Variants in FAM168B observed in about 807,000 individuals in gnomAD.
The protein encoded by FAM168B is family with sequence similarity 168 member B.
FAM168B carries 19 observed loss-of-function variants against 21.8 expected under a neutral mutation model. The observed-to-expected ratio is 0.87, with a 90% CI of 0.61 to 1.28. FAM168B has a LOEUF of 1.28. Ranked by LOEUF, FAM168B falls within the 50% of genes most tolerant of loss-of-function variation. The pLI is 0.00. For synonymous variants in FAM168B, 126 were observed against 104.8 expected (o/e 1.20, Z -1.24); for missense variants, 233 against 263.1 (o/e 0.89, Z 0.79).
At chr2:131,060,482 G>C (rs555213810) in intron 3 of FAM168B, among the ~76,000 whole-genome samples, 3 of 152,348 alleles carry the variant, frequency 2.0e-5, no homozygotes, top group Admixed American at 2.0e-4. Flanking sequence ...CAGATTGAAA[G>C]AGATAAGAGA....
intron 1 of FAM168B, among the ~76,000 whole-genome samples, chr2:131,092,256 A>G (rs1694073092): frequency 6.6e-6 from 1 of 152,206 alleles, no homozygotes; most frequent in Non-Finnish European, 1.5e-5. Context: ...CTGCTTTGTA[A>G]AGACAAAGAG....
intron 3 of FAM168B, among the ~76,000 whole-genome samples, chr2:131,058,117 C>A (rs1235193153): frequency 7.0e-6 from 1 of 143,298 alleles, no homozygotes; most frequent in Admixed American, 6.7e-5. Flanking sequence ...CAGGTGTGAG[C>A]CTGTATATAT....
At position 131,050,532 on chromosome 2, in the gene FAM168B, T is replaced by C; in HGVS notation, c.*1933A>G. The C allele has an allele frequency of 1.0e-6, 1 of 985,814 alleles. No homozygotes were observed. Among genetic ancestry groups the C allele is most frequent in the East Asian group, 1.1e-4 (1 of 8,818 alleles). 61.1% of individuals were successfully genotyped at this position (985,814 alleles called of 1,614,324 possible). Reference sequence around the variant, plus strand: ...GACACTAAGATGGATTAAGTGCTCATGAAGCAATTTAAAGTACTTATCAGT... The same window carrying C: ...GACACTAAGATGGATTAAGTGCTCACGAAGCAATTTAAAGTACTTATCAGT... On this transcript the variant is annotated 3_prime_UTR_variant, in exon 7 of 7. Coordinates refer to ENST00000389915, the MANE Select transcript of FAM168B (RefSeq NM_001009993.4).
chr2:131,089,567 TA>T (rs971383287), intron 1 of FAM168B, among the ~76,000 whole-genome samples: 4 of 143,024 alleles, frequency 2.8e-5, no homozygotes, highest in Non-Finnish European at 4.6e-5. Flanking sequence ...CTGTCTCTAC[TA>T]AAAAAAAATA....
intron 3 of FAM168B, among the ~76,000 whole-genome samples, chr2:131,059,343 G>A (rs751572389): frequency 2.0e-5 from 3 of 152,188 alleles, no homozygotes; most frequent in African/African-American, 4.8e-5. Flanking sequence ...CTGTGGGGAT[G>A]AGGGACGTCA....
chr2:131,075,006 A>G (rs936706153), intron 2 of FAM168B, among the ~76,000 whole-genome samples: 2 of 152,126 alleles, frequency 1.3e-5, no homozygotes, highest in African/African-American at 4.8e-5. Context: ...ACCTCAGCAG[A>G]AGCCATTCCG....
intron 2 of FAM168B, among the ~76,000 whole-genome samples, chr2:131,075,534 G>T (rs927961120): frequency 6.7e-6 from 1 of 148,320 alleles, no homozygotes; most frequent in African/African-American, 2.5e-5. Flanking sequence ...TTGCTCTGTC[G>T]CCCAGGCTGG....
At chr2:131,064,970 G>A (rs991033655) in intron 3 of FAM168B, among the ~76,000 whole-genome samples, 2 of 152,144 alleles carry the variant, frequency 1.3e-5, no homozygotes, top group Non-Finnish European at 2.9e-5. Flanking sequence ...TTAATTCCAG[G>A]GACACCGCAG....
intron 1 of FAM168B, among the ~76,000 whole-genome samples, chr2:131,089,643 G>A (rs912497342): frequency 1.9e-4 from 28 of 151,096 alleles, no homozygotes; most frequent in African/African-American, 6.6e-4. Flanking sequence ...GTGTGAACCC[G>A]GAAGGCGGAG....
rs538011280 is a variant in FAM168B, at chr2:131,078,983, T to C, written c.70+3594A>G. On this transcript the variant is annotated intron_variant, in intron 2 of 6. Transcript: ENST00000389915. ...GCCTGAATGACAGAGCAAGACCCTT[T>C]CACAAAAAAAAAAAAAAAAATTATT... 2.7e-5 allele frequency among the ~76,000 whole-genome samples: 4 copies of C among 146,068 alleles called. No individual in the cohort carries two copies. The East Asian group carries it at 5.9e-4, about 22-fold the overall frequency.
At position 131,065,535 on chromosome 2, in the gene FAM168B, T is replaced by A. The variant is rs545420595; in HGVS notation, c.154+6320A>T. ...CGGGCATGGGGGCTCATGTCTGTAA[T>A]CCCAGCACTTTGGGAGGCTTAGGTG... On this transcript the variant is annotated intron_variant, in intron 3 of 6. Transcript: ENST00000389915. Among the ~76,000 whole-genome samples the A allele has an allele frequency of 9.2e-5, 14 of 152,262 alleles. No individual in the cohort carries two copies. The East Asian group carries it at 2.5e-3, about 27-fold the overall frequency.
At chr2:131,091,475 G>A (rs775957592) in intron 1 of FAM168B, among the ~76,000 whole-genome samples, 13 of 151,386 alleles carry the variant, frequency 8.6e-5, no homozygotes, top group South Asian at 4.2e-4. Flanking sequence ...GTAAAACCCC[G>A]TCTCTACTAA....
At position 131,064,421 on chromosome 2, in the gene FAM168B, T is replaced by C. The variant is rs1158100493; in HGVS notation, c.154+7434A>G. ...CACTGGAGGCAAAAATCCTACAGAA[T>C]AGCAAAGAAAAACCAAGGTTACACT... On this transcript the variant is annotated intron_variant, in intron 3 of 6. Coordinates refer to ENST00000389915, the MANE Select transcript of FAM168B (RefSeq NM_001009993.4). 8.6e-5 allele frequency among the ~76,000 whole-genome samples: 13 copies of C among 152,018 alleles called. No homozygotes were observed. In the East Asian group the frequency reaches 1.7e-3, roughly 20 times the overall value.
At chr2:131,087,376 G>A (rs1167233719) in intron 1 of FAM168B, among the ~76,000 whole-genome samples, 7 of 152,078 alleles carry the variant, frequency 4.6e-5, no homozygotes, top group African/African-American at 1.4e-4. Context: ...GGAGGCTGAC[G>A]CAGGAGAATC....
intron 3 of FAM168B, among the ~76,000 whole-genome samples, chr2:131,069,995 A>C (rs529263783): frequency 6.6e-6 from 1 of 151,134 alleles, no homozygotes; most frequent in Admixed American, 6.6e-5. Context: ...AGTAGCCGGG[A>C]TTACCGGAGT....
chr2:131,048,100 A>G lies in FAM168B; in HGVS notation c.*4365T>C. On this transcript the variant is annotated 3_prime_UTR_variant, in exon 7 of 7. Transcript: ENST00000389915. Reference sequence around the variant, plus strand: ...TGCAGAGGTGAGGGATGCCTTTAACACTGGAAGACAATGCTGACTTAGCTT... The same window carrying G: ...TGCAGAGGTGAGGGATGCCTTTAACGCTGGAAGACAATGCTGACTTAGCTT... The G allele has an allele frequency of 9.7e-7, 1 of 1,025,972 alleles. No homozygotes were observed. The highest frequency in any genetic ancestry group is 6.2e-5 in the East Asian group (1 of 16,198). 63.6% of individuals were successfully genotyped at this position (1,025,972 alleles called of 1,614,324 possible). A position where few individuals can be genotyped will look rare whatever the true frequency, so the allele number is the denominator to read the frequency against.
rs146298442 is a variant in FAM168B at position 131,076,879 on chromosome 2, C to G, written c.71-4941G>C. ...AGACACAGATACACAGAATTGCAAA[C>G]TACAACTACGCTGACTAACTTCCGA... On this transcript the variant is annotated intron_variant, in intron 2 of 6. Coordinates refer to ENST00000389915, the MANE Select transcript of FAM168B (RefSeq NM_001009993.4). Among the ~76,000 whole-genome samples the G allele has an allele frequency of 8.0e-5, 12 of 150,350 alleles. No individual in the cohort carries two copies. The Admixed American group carries it at 8.0e-4, about 10-fold the overall frequency.
At chr2:131,087,378 A>G (rs1693763700) in intron 1 of FAM168B, among the ~76,000 whole-genome samples, 1 of 152,190 alleles carries the variant, frequency 6.6e-6, no homozygotes, top group South Asian at 2.1e-4. Context: ...AGGCTGACGC[A>G]GGAGAATCAC....
chr2:131,081,563 C>T (rs1693434657), intron 2 of FAM168B, among the ~76,000 whole-genome samples: 1 of 152,210 alleles, frequency 6.6e-6, no homozygotes, highest in African/African-American at 2.4e-5. Context: ...AGAGCCCAAG[C>T]ATATAAACTT....
Sources: allele counts gnomAD v4.1 joint callset (sites outside exome capture counted in the v4.1 genomes callset), GRCh38; gene constraint gnomAD v4.1.1; transcripts MANE v1.5; gene names NCBI Gene and HGNC (gene_info 2026-07-23, HGNC 2026-07-21).